The following NXF3 variants were observed in gnomAD, a reference collection of about 807,000 sequenced individuals.
NXF3 encodes the protein nuclear RNA export factor 3.
A neutral mutation model predicts 48.4 loss-of-function variants in NXF3; 34 were observed. That is an observed-to-expected ratio of 0.70 (90% CI 0.53 to 0.93). The LOEUF (loss-of-function observed/expected upper bound fraction) is 0.93. NXF3 is among the 40% of genes least tolerant of loss of function. The pLI is 0.00. For missense variants in NXF3, 359 were observed against 406.1 expected, an observed-to-expected ratio of 0.88 and a Z score of 1.00; for synonymous variants, 132 against 145.7, an observed-to-expected ratio of 0.91 and a Z score of 0.68.
At chrX:103,078,749 G>C in intron 16 of NXF3, 117 bp from the exon 17 acceptor site, 1 of 1,096,371 alleles carries the variant, frequency 9.1e-7, no homozygotes, top group Non-Finnish European at 1.3e-6. Context: ...GACCAGGACA[G>C]TTGTTCACTT....
chrX:103,082,652 A>T, intron 8 of NXF3, 108 bp downstream of exon 8: 1 of 643,279 alleles, frequency 1.6e-6, no homozygotes, highest in Non-Finnish European at 2.5e-6. Flanking sequence ...GGAATGAATT[A>T]AGAACTAAGA....
At chrX:103,083,315 C>T in intron 5 of NXF3, 42 bp from the exon 6 acceptor site, 1 of 1,184,023 alleles carries the variant, frequency 8.4e-7, no homozygotes, top group Non-Finnish European at 1.1e-6. Flanking sequence ...ACTAGGAACT[C>T]TGACCCCCAA....
intron 9 of NXF3, chrX:103,080,979 G>A (rs1246061220): frequency 1.4e-5 from 3 of 214,657 alleles, no homozygotes; most frequent in Non-Finnish European, 2.5e-5. Context: ...GGTGAGTGAC[G>A]CAGGCTCAGG....
At position 103,082,060 on chromosome X, in the gene NXF3, G is replaced by A. The variant is rs1163878900; in HGVS notation, c.890+195C>T. 7 of 440,165 alleles carry A rather than the reference G, an allele frequency of 1.6e-5. No individual in the cohort carries two copies. In the East Asian group the frequency reaches 2.3e-4, roughly 14 times the overall value. The allele number at this position is 440,165 out of a possible 1,213,427, so 36.3% of individuals were successfully genotyped here. ...GTGGGAAACACATCCCAGAGCGGGT[G>A]AAAAGGGGACCATGTCAGAGGAAGG... On this transcript the variant is annotated intron_variant, in intron 9 of 19. Transcript: ENST00000395065.
chrX:103,085,920 A>AAAAAAAG (rs1922140355), intron 1 of NXF3, among the ~76,000 whole-genome samples: 1 of 103,786 alleles, frequency 9.6e-6, no homozygotes, highest in Non-Finnish European at 1.9e-5. Flanking sequence ...AAAAAAAAAA[A>AAAAAAAG]AAAGAAAGAA....
chrX:103,082,218 G>A (rs1922033606), intron 9 of NXF3, 37 bp downstream of exon 9: 2 of 994,183 alleles, frequency 2.0e-6, no homozygotes, highest in Admixed American at 2.2e-5. Flanking sequence ...TCAAACACAG[G>A]TCAGGGTCCC....
intron 1 of NXF3, among the ~76,000 whole-genome samples, chrX:103,086,858 A>G (rs975780029): frequency 8.9e-6 from 1 of 112,028 alleles, no homozygotes; most frequent in Non-Finnish European, 1.9e-5. Flanking sequence ...ACTCATAATG[A>G]TAAAGGTTCA....
intron 1 of NXF3, among the ~76,000 whole-genome samples, chrX:103,086,996 G>A (rs1159932437): frequency 2.7e-5 from 3 of 112,188 alleles, no homozygotes; most frequent in Non-Finnish European, 5.6e-5. Context: ...ACCCGATTGA[G>A]AAGTGGAGAG....
intron 1 of NXF3, among the ~76,000 whole-genome samples, chrX:103,085,233 T>A (rs1446662910): frequency 8.9e-6 from 1 of 111,803 alleles, no homozygotes; most frequent in Non-Finnish European, 1.9e-5. Context: ...TTGAAAGACT[T>A]CACTGTGGTT....
At chrX:103,077,884 A>T in intron 17 of NXF3, 138 bp from the exon 18 acceptor site, 1 of 644,016 alleles carries the variant, frequency 1.6e-6, no homozygotes, top group African/African-American at 2.2e-5. Flanking sequence ...TTTGGCTGGT[A>T]CCCTCTAAAC....
rs1602888731 is a variant in NXF3 at position 103,082,769 on chromosome X, G to A, written c.771C>T (p.Asn257=). Residue 257 remains asparagine, a synonymous_variant, in exon 8 of 20, where the codon AAC becomes AAT. Coordinates refer to ENST00000395065, the MANE Select transcript of NXF3 (RefSeq NM_022052.2). ...MAASLDVHEE[N]IPTVMSAGEM... is the part of the protein sequence containing the mutation. ...GAGCCTAAGGCCTCACTGTAGGTATGTTCTCTTCATGGACGTCCAGGGAGG... is the reference window on the plus strand; with the variant it reads ...GAGCCTAAGGCCTCACTGTAGGTATATTCTCTTCATGGACGTCCAGGGAGG... 8.3e-7 allele frequency: 1 copy of A among 1,204,742 alleles called. No individual in the cohort carries two copies. Among genetic ancestry groups the A allele is most frequent in the Non-Finnish European group, 1.1e-6 (1 of 888,989 alleles).
At chrX:103,081,010 G>C (rs1466015760) in intron 9 of NXF3, 1 of 183,810 alleles carries the variant, frequency 5.4e-6, no homozygotes, top group Admixed American at 7.4e-5. Flanking sequence ...GGAAGGCAGG[G>C]GAATGATGGC....
At chrX:103,081,879 A>G (rs760674551) in intron 9 of NXF3, 5 of 159,295 alleles carry the variant, frequency 3.1e-5, no homozygotes, top group African/African-American at 1.5e-4. Flanking sequence ...GCATGGAGGC[A>G]GGAAGGCCTG....
intron 1 of NXF3, among the ~76,000 whole-genome samples, chrX:103,086,130 A>T (rs1202849655): frequency 1.3e-4 from 14 of 105,708 alleles, no homozygotes; most frequent in African/African-American, 1.7e-4. Flanking sequence ...ATTATTTTTT[A>T]AAAAATTAGC....
chrX:103,088,260 G>GA, intron 1 of NXF3: 1 of 619,300 alleles, frequency 1.6e-6, no homozygotes, highest in East Asian at 3.7e-5. Context: ...TTTGATCCTA[G>GA]AAAAAAGTAT....
At chrX:103,083,133 G>C (rs1396834373) in intron 6 of NXF3, 60 bp from the exon 7 acceptor site, 6 of 1,189,826 alleles carry the variant, frequency 5.0e-6, no homozygotes, top group Admixed American at 2.2e-5. Flanking sequence ...GGGGGCAATA[G>C]GTGGGGAAGA....
chrX:103,078,520 A>G, intron 17 of NXF3, 40 bp downstream of exon 17: 1 of 1,211,016 alleles, frequency 8.3e-7, no homozygotes, highest in South Asian at 1.8e-5. Context: ...CACTGGCCCC[A>G]GGTTGGGATG....
chrX:103,085,187 A>G (rs1922115126), intron 1 of NXF3, among the ~76,000 whole-genome samples: 1 of 111,097 alleles, frequency 9.0e-6, no homozygotes, highest in South Asian at 3.9e-4. Context: ...TGATTTTTAT[A>G]ATCTAGAAAG....
At chrX:103,078,324 CTG>C (rs1164236424) in intron 17 of NXF3, among the ~76,000 whole-genome samples, 2 of 112,024 alleles carry the variant, frequency 1.8e-5, no homozygotes, top group Non-Finnish European at 3.8e-5. Context: ...CAGGGTCTCA[CTG>C]TGTTGCCTAG....
Sources: gnomAD v4.1 joint callset for allele counts (sites outside exome capture counted in the v4.1 genomes callset) on GRCh38, gnomAD v4.1.1 for gene constraint, MANE v1.5 for transcripts, NCBI Gene and HGNC (gene_info 2026-07-23, HGNC 2026-07-21) for gene names.